Variants in MGAT4C observed in about 807,000 individuals in gnomAD.
The protein encoded by MGAT4C is MGAT4 family member C.
In MGAT4C, 19 loss-of-function variants were observed where a neutral mutation model predicts 40.1. That is an observed-to-expected ratio of 0.47 (90% confidence interval 0.33 to 0.70). The LOEUF is 0.70. Among genes scored for constraint, MGAT4C ranks in the 30% least tolerant of loss-of-function variants. The pLI, the probability that MGAT4C is intolerant of heterozygous loss-of-function variation, is 0.02. For synonymous variants in MGAT4C, 181 were observed against 187.1 expected, an observed-to-expected ratio of 0.97 and a Z score of 0.27; for missense variants, 491 against 563.2, an observed-to-expected ratio of 0.87 and a Z score of 1.30.
At chr12:86,093,755 CA>C (rs1565972254) in intron 1 of MGAT4C, among the ~76,000 whole-genome samples, 5 of 151,462 alleles carry the variant, frequency 3.3e-5, no homozygotes, top group East Asian at 2.0e-4. Flanking sequence ...ACAACAACAA[CA>C]ACAACAACAA....
chr12:86,506,273 T>C (rs535317863), intron 2 of MGAT4C, among the ~76,000 whole-genome samples: 1 of 152,312 alleles, frequency 6.6e-6, no homozygotes, highest in African/African-American at 2.4e-5. Flanking sequence ...CCCCAGCTGA[T>C]ACAAATAGAA....
At chr12:86,603,485 A>AGTATATATAGTAT (rs1961879705) in intron 2 of MGAT4C, among the ~76,000 whole-genome samples, 1 of 104,482 alleles carries the variant, frequency 9.6e-6, no homozygotes. Flanking sequence ...TAGTCTATAG[A>AGTATATATAGTAT]CTATATAATA....
intron 4 of MGAT4C, among the ~76,000 whole-genome samples, chr12:86,284,009 A>T (rs1953285105): frequency 1.3e-5 from 2 of 152,148 alleles, no homozygotes; most frequent in Admixed American, 1.3e-4. Context: ...TGAATAAAAG[A>T]TAAGCATAAA....
At chr12:86,402,947 T>A (rs141682714) in intron 3 of MGAT4C, among the ~76,000 whole-genome samples, 1 of 152,198 alleles carries the variant, frequency 6.6e-6, no homozygotes, top group South Asian at 2.1e-4. Context: ...TATAATCTTA[T>A]TTTATAGTCT....
At chr12:86,057,944 T>C (rs1893564695) in intron 1 of MGAT4C, among the ~76,000 whole-genome samples, 1 of 152,180 alleles carries the variant, frequency 6.6e-6, no homozygotes, top group African/African-American at 2.4e-5. Context: ...ATGTCTCAAA[T>C]AATATATTAT....
intron 1 of MGAT4C, among the ~76,000 whole-genome samples, chr12:86,180,656 G>C (rs1888012861): frequency 6.6e-6 from 1 of 152,190 alleles, no homozygotes; most frequent in Non-Finnish European, 1.5e-5. Context: ...TGCCCTGCTG[G>C]ATTTCAGACT....
At chr12:86,346,623 C>T (rs966846212) in intron 3 of MGAT4C, among the ~76,000 whole-genome samples, 2 of 152,258 alleles carry the variant, frequency 1.3e-5, no homozygotes, top group East Asian at 1.9e-4. Flanking sequence ...ACTTAAAATG[C>T]TTTCAATTCT....
rs1884160861 is a variant in MGAT4C, at chr12:85,978,300, A to G, written c.*989T>C. ...TCAGATCTCTCATTCTGGCCTTGCT[A>G]GGAAATAGATCTTTGATTCTAGAAA... On this transcript the variant is annotated 3_prime_UTR_variant, in exon 5 of 5. Coordinates refer to ENST00000611864, the MANE Select transcript of MGAT4C (RefSeq NM_001351288.2). 6.6e-6 allele frequency: 1 copy of G among 151,612 alleles called. No individual in the cohort carries two copies. The highest frequency in any genetic ancestry group is 1.5e-5 in the Non-Finnish European group (1 of 67,626). 9.4% of individuals were successfully genotyped at this position (151,612 alleles called of 1,614,324 possible). A position where few individuals can be genotyped will look rare whatever the true frequency, so the allele number is the denominator to read the frequency against.
At chr12:86,816,901 A>G (rs1419459596) in intron 1 of MGAT4C, among the ~76,000 whole-genome samples, 9 of 151,208 alleles carry the variant, frequency 6.0e-5, no homozygotes, top group African/African-American at 2.2e-4. Flanking sequence ...GTATAATCCT[A>G]TATCACTAAT....
intron 1 of MGAT4C, among the ~76,000 whole-genome samples, chr12:86,057,790 T>C (rs1366668856): frequency 6.6e-6 from 1 of 152,206 alleles, no homozygotes; most frequent in Non-Finnish European, 1.5e-5. Flanking sequence ...ATGACTAGTA[T>C]AATAAATTCA....
chr12:86,821,436 T>A (rs1486264515), intron 1 of MGAT4C, among the ~76,000 whole-genome samples: 1 of 150,884 alleles, frequency 6.6e-6, no homozygotes, highest in Non-Finnish European at 1.5e-5. Flanking sequence ...AGCATAGAAT[T>A]TGTAATAATC....
At chr12:85,986,405 G>A (rs2136704666) in intron 3 of MGAT4C, among the ~76,000 whole-genome samples, 1 of 152,338 alleles carries the variant, frequency 6.6e-6, no homozygotes, top group Admixed American at 6.5e-5. Flanking sequence ...GATTGGGCAT[G>A]CAGTGTCTCT....
rs1883190392 is a variant in MGAT4C at position 85,962,988 on chromosome 12, C to T, written c.*16301G>A. The T allele has an allele frequency of 6.6e-6, 1 of 151,690 alleles. No homozygotes were observed. The highest frequency in any genetic ancestry group is 2.1e-4 in the South Asian group (1 of 4,822). The allele number at this position is 151,690 out of a possible 1,614,324, so 9.4% of individuals were successfully genotyped here. A position where few individuals can be genotyped will look rare whatever the true frequency, so the allele number is the denominator to read the frequency against. On this transcript the variant is annotated 3_prime_UTR_variant, in exon 5 of 5. Coordinates refer to ENST00000611864, the MANE Select transcript of MGAT4C (RefSeq NM_001351288.2). ...ACAAGTATTTCCTAGAGTTCAAACACTGATCTTTTTAAGTGGCAAATTGTC... is the reference window on the plus strand; with the variant it reads ...ACAAGTATTTCCTAGAGTTCAAACATTGATCTTTTTAAGTGGCAAATTGTC...
chr12:86,312,716 G>A (rs1344484908), intron 4 of MGAT4C, among the ~76,000 whole-genome samples: 1 of 151,902 alleles, frequency 6.6e-6, no homozygotes, highest in Non-Finnish European at 1.5e-5. Flanking sequence ...AATGCACACA[G>A]GTTTAACTCC....
intron 2 of MGAT4C, among the ~76,000 whole-genome samples, chr12:86,512,496 T>C (rs1414651281): frequency 6.6e-6 from 1 of 152,142 alleles, no homozygotes; most frequent in African/African-American, 2.4e-5. Flanking sequence ...ATACTTGGAG[T>C]ATCATTCATA....
intron 2 of MGAT4C, among the ~76,000 whole-genome samples, chr12:86,613,085 A>C (rs1962338912): frequency 6.6e-6 from 1 of 152,176 alleles, no homozygotes; most frequent in African/African-American, 2.4e-5. Flanking sequence ...ATGATATGTA[A>C]GTTAATGATT....
intron 1 of MGAT4C, among the ~76,000 whole-genome samples, chr12:86,743,575 C>T (rs533822691): frequency 2.6e-5 from 4 of 151,372 alleles, no homozygotes; most frequent in African/African-American, 9.7e-5. Context: ...GCTAATTAGC[C>T]GGATAGTATG....
chr12:86,520,530 G>T (rs920663641), intron 2 of MGAT4C, among the ~76,000 whole-genome samples: 9 of 152,102 alleles, frequency 5.9e-5, no homozygotes, highest in African/African-American at 2.2e-4. Flanking sequence ...GTGCTGCAAT[G>T]AACATATGTG....
chr12:86,758,559 C>G (rs2136149306), intron 1 of MGAT4C, among the ~76,000 whole-genome samples: 1 of 151,978 alleles, frequency 6.6e-6, no homozygotes, highest in South Asian at 2.1e-4. Context: ...AGGCACAAAA[C>G]ACTTAGTAAA....
Sources: allele counts gnomAD v4.1 joint callset (sites outside exome capture counted in the v4.1 genomes callset), GRCh38; gene constraint gnomAD v4.1.1; transcripts MANE v1.5; gene names NCBI Gene and HGNC (gene_info 2026-07-23, HGNC 2026-07-21).